The following NTRK1 variants were observed in gnomAD, a reference collection of about 807,000 sequenced individuals.
The protein encoded by NTRK1 is neurotrophic receptor tyrosine kinase 1.
In NTRK1, 62 loss-of-function variants were observed where a neutral mutation model predicts 86.8. That is an observed-to-expected ratio of 0.71 (90% CI 0.58 to 0.88). The LOEUF is 0.88. Ranked by LOEUF, NTRK1 falls within the 40% of genes least tolerant of loss-of-function variation. The probability of loss-of-function intolerance (pLI) is 0.00; values close to 1 mark genes in which losing one functional copy is unlikely to be tolerated. For missense variants in NTRK1, 967 were observed against 1,078.4 expected (o/e 0.90, Z 1.45); for synonymous variants, 469 against 456.6 (o/e 1.03, Z -0.35).
At position 156,854,497 on chromosome 1, in the gene NTRK1, G is replaced by A. The variant is rs1246859930; in HGVS notation, c.51-9857G>A. On this transcript the variant is annotated intron_variant, in intron 2 of 16. Transcript: ENST00000392302. The surrounding 1 kb of genome is among the most constrained non-coding windows in gnomAD (Gnocchi z 4.2). ...GCAGCCTGCAGGGTCTCTACCAGAT[G>A]AGCCACACAGGCAAAAATGAACTCC... Among the ~76,000 whole-genome samples the A allele has an allele frequency of 1.3e-5, 2 of 152,096 alleles. No homozygotes were observed. The highest frequency in any genetic ancestry group is 2.4e-5 in the African/African-American group (1 of 41,408).
chr1:156,819,272 T>G (rs1571636771), intron 1 of NTRK1, among the ~76,000 whole-genome samples: 3 of 152,110 alleles, frequency 2.0e-5, no homozygotes, highest in Admixed American at 2.0e-4. Context: ...GCTCCCAAAG[T>G]GCTGGGATCA....
At position 156,853,847 on chromosome 1, in the gene NTRK1, G is replaced by A. The variant is rs747696392; in HGVS notation, c.51-10507G>A. 3.7e-6 allele frequency: 6 copies of A among 1,613,962 alleles called. No homozygotes were observed. The Admixed American group carries it at 1.0e-4, about 27-fold the overall frequency. ...CTCACCAGCAGCACCCAGCACACCA[G>A]GGCACACGTCAGCACACTCCTCGCC... On this transcript the variant is annotated intron_variant, in intron 2 of 16. Coordinates refer to the NTRK1 transcript ENST00000392302.
chr1:156,860,202 G>T (rs1558095186), upstream of NTRK1, among the ~76,000 whole-genome samples: 1 of 152,180 alleles, frequency 6.6e-6, no homozygotes, highest in Non-Finnish European at 1.5e-5. Flanking sequence ...GCTGCAGATC[G>T]CACCCCCAGG....
At chr1:156,871,522 C>A in intron 6 of NTRK1, 101 bp from the exon 7 acceptor site, 1 of 1,348,020 alleles carries the variant, frequency 7.4e-7, no homozygotes, top group Non-Finnish European at 1.0e-6. Flanking sequence ...CAGCCCTCCT[C>A]TCCTTTCCAT....
chr1:156,816,201 C>T, intron 1 of NTRK1: 1 of 1,463,220 alleles, frequency 6.8e-7, no homozygotes, highest in Non-Finnish European at 9.0e-7. Flanking sequence ...CTGGGACAGT[C>T]TTAACGACAG....
intron 2 of NTRK1, chr1:156,849,098 C>T: frequency 6.2e-7 from 1 of 1,600,166 alleles, no homozygotes. Context: ...GCTGCTTGAG[C>T]GCCCACCCTG....
At position 156,848,905 on chromosome 1, in the gene NTRK1, C is replaced by T. The variant is rs776757652; in HGVS notation, c.50+6712C>T. On this transcript the variant is annotated intron_variant, in intron 2 of 16. Coordinates refer to the NTRK1 transcript ENST00000392302. ...TCCGGTCCCGCCCCCGCTCCGGCCCCGCCCCCGGCACTCACGACTCCTTGT... is the reference window on the plus strand; with the variant it reads ...TCCGGTCCCGCCCCCGCTCCGGCCCTGCCCCCGGCACTCACGACTCCTTGT... 3.2e-6 allele frequency: 5 copies of T among 1,554,704 alleles called. No individual in the cohort carries two copies. The Admixed American group carries it at 9.7e-5, about 30-fold the overall frequency.
At chr1:156,867,742 C>T (rs1046609636) in intron 4 of NTRK1, among the ~76,000 whole-genome samples, 14 of 151,828 alleles carry the variant, frequency 9.2e-5, no homozygotes, top group South Asian at 4.2e-4. Flanking sequence ...AATCTCATCT[C>T]GGCTCACTGC....
upstream of NTRK1, chr1:156,860,740 A>AGGG (rs1207298666): frequency 2.0e-6 from 2 of 998,080 alleles, no homozygotes; most frequent in African/African-American, 2.3e-5. Flanking sequence ...GAGGGGGCAG[A>AGGG]GGGGGGGGCG....
chr1:156,864,896 G>A, intron 3 of NTRK1, 97 bp downstream of exon 3: 1 of 1,257,354 alleles, frequency 8.0e-7, no homozygotes, highest in Non-Finnish European at 1.1e-6. Flanking sequence ...ATTGCGAGGA[G>A]GGCCCAAGCC....
At chr1:156,845,821 C>T in intron 2 of NTRK1, 1 of 1,611,574 alleles carries the variant, frequency 6.2e-7, no homozygotes, top group Non-Finnish European at 8.5e-7. Context: ...AAGCCTGGCG[C>T]CGCAGCGGGA....
intron 1 of NTRK1, chr1:156,816,740 G>A (rs374433025): frequency 2.5e-6 from 4 of 1,580,110 alleles, no homozygotes; most frequent in Non-Finnish European, 3.4e-6. Flanking sequence ...CCCAGAGCAG[G>A]GTGTGTGTAT....
rs1309348713 is a variant in NTRK1 at position 156,879,620 on chromosome 1, T to A, written c.2046+258T>A. On this transcript the variant is annotated intron_variant, in intron 15 of 16. Coordinates refer to ENST00000524377, the MANE Select transcript of NTRK1 (RefSeq NM_002529.4). ...TGTTTGTTTATTTATTTATTTAATTTATTTTTTTGAGACGGCGTCTCACTC... is the reference window on the plus strand; with the variant it reads ...TGTTTGTTTATTTATTTATTTAATTAATTTTTTTGAGACGGCGTCTCACTC... Among the ~76,000 whole-genome samples the A allele has an allele frequency of 2.0e-5, 3 of 152,200 alleles. No homozygotes were observed. The East Asian group carries it at 5.8e-4, about 29-fold the overall frequency.
chr1:156,842,590 T>A, intron 2 of NTRK1: 1 of 1,024,494 alleles, frequency 9.8e-7, no homozygotes, highest in Non-Finnish European at 1.5e-6. Flanking sequence ...ATGACCACAG[T>A]CTGACTCAGA....
chr1:156,851,004 A>G (rs1202304136), intron 2 of NTRK1, among the ~76,000 whole-genome samples: 1 of 152,246 alleles, frequency 6.6e-6, no homozygotes, highest in Non-Finnish European at 1.5e-5. Flanking sequence ...ATAGAGTTAT[A>G]TGTGACTGTA....
intron 2 of NTRK1, chr1:156,844,600 GGGACACACACAGCACTGT>G (rs1654922105): frequency 3.1e-6 from 5 of 1,614,186 alleles, no homozygotes; most frequent in Middle Eastern, 1.6e-4. Context: ...TATCGAAGAC[GGGACACACACAGCACTGT>G]GGCCTCCTGA....
At chr1:156,841,066 C>T (rs919194302) in intron 1 of NTRK1, 10 of 1,575,692 alleles carry the variant, frequency 6.3e-6, no homozygotes, top group Admixed American at 3.7e-5. Context: ...TGGGCGCAGG[C>T]GTGGGTTCGG....
intron 14 of NTRK1, 95 bp from the exon 15 acceptor site, chr1:156,879,027 C>G (rs995425677): frequency 6.9e-7 from 1 of 1,455,698 alleles, no homozygotes; most frequent in African/African-American, 1.4e-5. Context: ...CCCCAGTCTC[C>G]TCTCCCATCA....
intron 4 of NTRK1, 84 bp from the exon 5 acceptor site, chr1:156,868,020 C>A: frequency 6.7e-7 from 1 of 1,501,430 alleles, no homozygotes; most frequent in Non-Finnish European, 9.2e-7. Flanking sequence ...GACGGTCCTC[C>A]CTGCTGCCTA....
Sources: gnomAD v4.1 joint callset for allele counts (sites outside exome capture counted in the v4.1 genomes callset) on GRCh38, gnomAD v4.1.1 for gene constraint, Gnocchi (gnomAD v3.1) non-coding constraint, MANE v1.5 for transcripts, NCBI Gene and HGNC (gene_info 2026-07-23, HGNC 2026-07-21) for gene names.